RGP1: variants seen among roughly 807,000 people sequenced by gnomAD.
RGP1 encodes the protein RGP1 partner of RAB6A GEF complex.
Under a neutral mutation model 44.5 loss-of-function variants are expected in RGP1, and 28 were observed. The observed-to-expected ratio is 0.63, with a 90% CI of 0.47 to 0.86. The LOEUF is 0.86. Ranked by LOEUF, RGP1 falls within the 40% of genes least tolerant of loss-of-function variation. RGP1 has a pLI of 0.00. For missense variants in RGP1, 417 were observed against 490.7 expected (o/e 0.85, Z 1.42); for synonymous variants, 212 against 196.7 (o/e 1.08, Z -0.65).
At chr9:35,785,086 A>G in the RGP1 span, among the ~76,000 whole-genome samples, 1 of 152,222 alleles carries the variant, frequency 6.6e-6, no homozygotes, top group Non-Finnish European at 1.5e-5. Flanking sequence ...ACACCCTAAA[A>G]TAATTCATCA....
the RGP1 span, among the ~76,000 whole-genome samples, chr9:35,784,777 T>C: frequency 6.6e-6 from 1 of 152,106 alleles, no homozygotes; most frequent in South Asian, 2.1e-4. Flanking sequence ...CCTATCTCTA[T>C]ATATTTTTAA....
At chr9:35,752,607 C>A in intron 8 of RGP1, 44 bp from the exon 9 acceptor site, 4 of 1,475,764 alleles carry the variant, frequency 2.7e-6, no homozygotes, top group Admixed American at 1.9e-5. Context: ...GCTTTTACTC[C>A]TGCTAGCTTC....
chr9:35,765,325 C>A, the RGP1 span, among the ~76,000 whole-genome samples: 2 of 151,934 alleles, frequency 1.3e-5, no homozygotes, highest in South Asian at 4.2e-4. Flanking sequence ...GAAGTGAAAT[C>A]TTAGATCCTG....
At position 35,751,251 on chromosome 9, in the gene RGP1, T is replaced by A; in HGVS notation, c.488-15T>A. The A allele has an allele frequency of 1.2e-6, 2 of 1,613,556 alleles. No homozygotes were observed. The highest frequency in any genetic ancestry group is 2.7e-5 in the African/African-American group (2 of 75,032). ...TTCCCTCTCAGCATTACCTCTCCAC[T>A]CATTCTTTCTCTAGGCCTTCAGGAT... On this transcript the variant is annotated splice_polypyrimidine_tract_variant and intron_variant, in intron 5 of 8. Coordinates refer to ENST00000378078, the MANE Select transcript of RGP1 (RefSeq NM_001080496.3).
At chr9:35,786,453 T>C in the RGP1 span, among the ~76,000 whole-genome samples, 9 of 152,222 alleles carry the variant, frequency 5.9e-5, no homozygotes, top group Non-Finnish European at 1.2e-4. Context: ...AAACTATCTA[T>C]GTACCTAGGA....
chr9:35,758,697 G>C (rs1429584388), downstream of RGP1: 15 of 152,136 alleles, frequency 9.9e-5, no homozygotes, highest in Admixed American at 9.8e-4. Context: ...TCTTTGCTCT[G>C]CTGGGCATCT....
rs1827195933 is a variant in RGP1 at position 35,749,680 on chromosome 9, C to T, written c.-19-57C>T. 25 of 1,073,478 alleles carry T rather than the reference C, an allele frequency of 2.3e-5. 1 individual carries two copies. The South Asian group carries it at 3.0e-4, about 13-fold the overall frequency. The allele number at this position is 1,073,478 out of a possible 1,614,324, so 66.5% of individuals were successfully genotyped here. On this transcript the variant is annotated intron_variant, in intron 1 of 8. Transcript: ENST00000378078. This position sits in a 1 kb window ranked among gnomAD's most constrained non-coding sequence, Gnocchi z 4.4. The stretch of plus-strand genomic sequence containing the variant: ...CTCAGCCCTCAGCCCTAGGTGCTCA[C>T]CGCAACGCCCCTCCCTGTCAAGGTG...
chr9:35,763,897 A>AAAG, the RGP1 span, among the ~76,000 whole-genome samples: 4 of 147,840 alleles, frequency 2.7e-5, no homozygotes, highest in Admixed American at 1.3e-4. Context: ...AAAAAAAAAA[A>AAAG]AAAGAAAAGA....
At position 35,753,462 on chromosome 9, in the gene RGP1, C is replaced by A. The variant is rs139485366; in HGVS notation, c.*588C>A. The A allele has an allele frequency of 4.8e-4, 373 of 780,734 alleles. 2 individuals carry two copies. In the East Asian group the frequency reaches 8.1e-3, roughly 17 times the overall value. 48.4% of individuals were successfully genotyped at this position (780,734 alleles called of 1,614,324 possible). On this transcript the variant is annotated 3_prime_UTR_variant, in exon 9 of 9. Transcript: ENST00000378078. The surrounding 1 kb of genome is among the most constrained non-coding windows in gnomAD (Gnocchi z 4.2). ...TTTTGTTTTATAACAGGAGTATTTTCTCTCCAGGTCCACCCCAACCTCCCC... is the reference window on the plus strand; with the variant it reads ...TTTTGTTTTATAACAGGAGTATTTTATCTCCAGGTCCACCCCAACCTCCCC...
chr9:35,786,675 C>T, the RGP1 span: 17 of 152,184 alleles, frequency 1.1e-4, no homozygotes, highest in Admixed American at 3.9e-4. Context: ...GAAACAATTT[C>T]CATGGGAAAA....
chr9:35,780,917 T>A, the RGP1 span, among the ~76,000 whole-genome samples: 3 of 152,050 alleles, frequency 2.0e-5, no homozygotes, highest in East Asian at 5.8e-4. Context: ...TAAATAAAAA[T>A]AAAGTGAATC....
Position 35,753,450 on chromosome 9 carries a change from C to T in RGP1, c.*576C>T, listed in dbSNP as rs1827306044. ...ATATGTGGGCCTTTTTGTTTTATAACAGGAGTATTTTCTCTCCAGGTCCAC... is the reference window on the plus strand; with the variant it reads ...ATATGTGGGCCTTTTTGTTTTATAATAGGAGTATTTTCTCTCCAGGTCCAC... On this transcript the variant is annotated 3_prime_UTR_variant, in exon 9 of 9. Coordinates refer to ENST00000378078, the MANE Select transcript of RGP1 (RefSeq NM_001080496.3). This position sits in a 1 kb window ranked among gnomAD's most constrained non-coding sequence, Gnocchi z 4.2. 1.2e-6 allele frequency: 1 copy of T among 816,128 alleles called. No homozygotes were observed. Among genetic ancestry groups the T allele is most frequent in the Admixed American group, 2.9e-5 (1 of 34,658 alleles). The allele number at this position is 816,128 out of a possible 1,614,324, so 50.6% of individuals were successfully genotyped here. A position where few individuals can be genotyped will look rare whatever the true frequency, so the allele number is the denominator to read the frequency against.
At chr9:35,760,648 C>A (rs1448608041), downstream of RGP1, among the ~76,000 whole-genome samples, 1 of 152,176 alleles carries the variant, frequency 6.6e-6, no homozygotes, top group African/African-American at 2.4e-5. Flanking sequence ...CTGAGCTTAT[C>A]CTAGACCTAC....
Position 35,750,829 on chromosome 9 carries a change from T to C in RGP1, c.338-11T>C. ...TGCCTCTGGCTGTCCTGACAACTAC[T>C]TCCCAACCAGACTCCTACAGTGAAG... On this transcript the variant is annotated splice_polypyrimidine_tract_variant and intron_variant, in intron 4 of 8. Transcript: ENST00000378078. 6.2e-7 allele frequency: 1 copy of C among 1,613,998 alleles called. No homozygotes were observed. The highest frequency in any genetic ancestry group is 1.7e-5 in the Admixed American group (1 of 60,026).
chr9:35,767,278 A>T, the RGP1 span, among the ~76,000 whole-genome samples: 1 of 138,980 alleles, frequency 7.2e-6, no homozygotes, highest in African/African-American at 2.7e-5. Flanking sequence ...GGTTTAAGCA[A>T]ATTGGTTTTT....
the RGP1 span, among the ~76,000 whole-genome samples, chr9:35,784,109 C>T: frequency 3.3e-5 from 5 of 151,930 alleles, no homozygotes; most frequent in African/African-American, 9.7e-5. Flanking sequence ...TCTATTTTGC[C>T]CATTTAAAAA....
rs1240816370 is a variant in RGP1 at position 35,758,295 on chromosome 9, A to G, written c.*5421A>G. ...AGGCTACTATCTTCTGTGGATGTGT[A>G]TGTAATTATACAGTTTCTGTATTTA... On this transcript the variant is annotated 3_prime_UTR_variant, in exon 9 of 9. Transcript: ENST00000378078. 6.6e-6 allele frequency: 1 copy of G among 152,254 alleles called. No individual in the cohort carries two copies. The highest frequency in any genetic ancestry group is 1.5e-5 in the Non-Finnish European group (1 of 68,050). 9.4% of individuals were successfully genotyped at this position (152,254 alleles called of 1,614,324 possible). A position where few individuals can be genotyped will look rare whatever the true frequency, so the allele number is the denominator to read the frequency against.
Position 35,752,051 on chromosome 9 carries a change from C to A in RGP1, c.858C>A (p.His286Gln), listed in dbSNP as rs62620193. The change falls in exon 8 of 9, where the codon CAC becomes CAA. Residue 286 changes from histidine (H) to glutamine (Q), a missense_variant. His to Gln is a conservative substitution (Grantham distance 24). Transcript: ENST00000378078. The stretch of plus-strand genomic sequence containing the variant: ...TCCCCTCTGTGTCACATGTGACTCA[C>A]GCCCGGCACCAGGAATCCTGCCTAC... ...GGVPSVSHVT[H>Q]ARHQESCLHT... 0.017 allele frequency: 27,124 copies of A among 1,611,172 alleles called. 319 individuals carry two copies. The highest frequency in any genetic ancestry group is 0.021 in the Non-Finnish European group (24,813 of 1,178,384).
chr9:35,761,784 A>G (rs1334910842), downstream of RGP1, among the ~76,000 whole-genome samples: 1 of 152,214 alleles, frequency 6.6e-6, no homozygotes, highest in East Asian at 1.9e-4. Context: ...TTAAAGGAGG[A>G]TCATCTGGCT....
Sources: gnomAD v4.1 joint callset for allele counts (sites outside exome capture counted in the v4.1 genomes callset) on GRCh38, gnomAD v4.1.1 for gene constraint, Gnocchi (gnomAD v3.1) non-coding constraint, MANE v1.5 for transcripts, NCBI Gene and HGNC (gene_info 2026-07-23, HGNC 2026-07-21) for gene names.